REN: variants seen among roughly 807,000 people sequenced by gnomAD.
REN encodes the protein angiotensin-forming enzyme.
A neutral mutation model predicts 48.6 loss-of-function variants in REN; 42 were observed. That is an observed-to-expected ratio of 0.86 (90% CI 0.68 to 1.12). The LOEUF is 1.12. REN is among the 50% of genes most tolerant of loss of function. The pLI is 0.00. For synonymous variants in REN, 196 were observed against 204.6 expected, an observed-to-expected ratio of 0.96 and a Z score of 0.36; for missense variants, 443 against 527.3, an observed-to-expected ratio of 0.84 and a Z score of 1.57.
Position 204,160,545 on chromosome 1 carries a change from G to C in REN, c.492+15C>G, listed in dbSNP as rs765066087. On this transcript the variant is annotated intron_variant, in intron 4 of 9. Coordinates refer to ENST00000272190, the MANE Select transcript of REN (RefSeq NM_000537.4). ...AAGGGGTCCGGGGCAGATGACCTAG[G>C]GCGGCCCAACTTACGGTGATGATGT... 1 of 1,579,480 alleles carries C rather than the reference G, an allele frequency of 6.3e-7. No individual in the cohort carries two copies.
Position 204,162,173 on chromosome 1 carries a change from G to T in REN, c.99-10C>A, listed in dbSNP as rs368317210. The T allele has an allele frequency of 2.5e-6, 4 of 1,613,910 alleles. No individual in the cohort carries two copies. Among genetic ancestry groups the T allele is most frequent in the African/African-American group, 1.3e-5 (1 of 74,990 alleles). ...TCTCTTGAGGAAGATCCTGGCCCAG[G>T]GTGGAGGAAGCAAAAATAGAAAAGT... On this transcript the variant is annotated splice_polypyrimidine_tract_variant and intron_variant, in intron 1 of 9. Coordinates refer to ENST00000272190, the MANE Select transcript of REN (RefSeq NM_000537.4).
chr1:204,164,340 C>T (rs888369904), intron 1 of REN, among the ~76,000 whole-genome samples: 1 of 152,162 alleles, frequency 6.6e-6, no homozygotes, highest in Non-Finnish European at 1.5e-5. Flanking sequence ...TCAGTGTCCT[C>T]ATCTGCAAAG....
At chr1:204,158,693 T>C (rs1021408637) in intron 5 of REN, among the ~76,000 whole-genome samples, 4 of 152,202 alleles carry the variant, frequency 2.6e-5, no homozygotes, top group Admixed American at 1.3e-4. Context: ...CTGAGCTGCA[T>C]ATAAGCTCAG....
intron 9 of REN, 103 bp from the exon 10 acceptor site, chr1:204,155,280 C>T (rs1349310849): frequency 3.8e-6 from 5 of 1,320,484 alleles, no homozygotes; most frequent in Non-Finnish European, 5.4e-6. Flanking sequence ...CCCCCTCTCG[C>T]CCCCATCTCT....
chr1:204,155,787 C>A, intron 9 of REN, 33 bp downstream of exon 9: 1 of 1,506,358 alleles, frequency 6.6e-7, no homozygotes, highest in South Asian at 1.2e-5. Flanking sequence ...CAGCCTTTCT[C>A]CCTGCCACCG....
intron 9 of REN, 62 bp downstream of exon 9, chr1:204,155,758 C>T: frequency 8.1e-7 from 1 of 1,240,644 alleles, no homozygotes; most frequent in South Asian, 1.3e-5. Context: ...TAATCTGTCA[C>T]TCTTTGAGGG....
chr1:204,162,665 A>G (rs1658269246), intron 1 of REN, among the ~76,000 whole-genome samples: 1 of 152,152 alleles, frequency 6.6e-6, no homozygotes, highest in Admixed American at 6.5e-5. Flanking sequence ...GTGCCATGGG[A>G]GGCCGCTAGG....
Position 204,156,711 on chromosome 1 carries a change from T to G in REN, c.784A>C (p.Ile262Leu). 6.2e-7 allele frequency: 1 copy of G among 1,613,934 alleles called. No individual in the cohort carries two copies. Among genetic ancestry groups the G allele is most frequent in the South Asian group, 1.1e-5 (1 of 91,056 alleles). Residue 262 changes from isoleucine (I) to leucine (L), a missense_variant, in exon 7 of 10, where the codon ATC (isoleucine) becomes CTC (leucine). Ile to Leu is a conservative substitution (Grantham distance 5, BLOSUM62 2). Coordinates refer to ENST00000272190, the MANE Select transcript of REN (RefSeq NM_000537.4). This position sits in a 1 kb window ranked among gnomAD's most constrained non-coding sequence, Gnocchi z 4.2. ...YEGNFHYINLIKTGVWQIQMK... is the reference protein window; with the variant it reads ...YEGNFHYINLLKTGVWQIQMK... Reference sequence around the variant, plus strand: ...TGAATCTGCCAGACACCAGTCTTGATGAGGTTGATATAGTGGAAATTCCCT... The same window carrying G: ...TGAATCTGCCAGACACCAGTCTTGAGGAGGTTGATATAGTGGAAATTCCCT...
chr1:204,161,143 C>A, intron 3 of REN, 149 bp downstream of exon 3: 2 of 932,590 alleles, frequency 2.1e-6, no homozygotes, highest in East Asian at 2.6e-5. Flanking sequence ...GACATCTTCC[C>A]CTCTCCCCTA....
chr1:204,161,980 G>C (rs943661409), intron 2 of REN, 33 bp downstream of exon 2: 10 of 1,612,676 alleles, frequency 6.2e-6, no homozygotes, highest in South Asian at 1.1e-5. Flanking sequence ...AAAGGAGACA[G>C]GGAGGGAGCG....
At chr1:204,158,265 G>A (rs74139470) in intron 5 of REN, among the ~76,000 whole-genome samples, 2,663 of 152,134 alleles carry the variant, frequency 0.018, 83 homozygotes, top group African/African-American at 0.062. Flanking sequence ...ACCCCTGAAT[G>A]CAGAGCCGCC....
intron 4 of REN, 42 bp from the exon 5 acceptor site, chr1:204,159,637 C>G (rs1187300983): frequency 6.3e-7 from 1 of 1,588,534 alleles, no homozygotes; most frequent in Non-Finnish European, 8.6e-7. Context: ...CCACTGCCCA[C>G]TCCTTGGTTG....
chr1:204,159,599 T>G lies in REN; in HGVS notation c.493-4A>C, dbSNP rs766064081. 8.7e-6 allele frequency: 14 copies of G among 1,614,102 alleles called. No homozygotes were observed. The highest frequency in any genetic ancestry group is 1.2e-5 in the Non-Finnish European group (14 of 1,179,988). On this transcript the variant is annotated splice_polypyrimidine_tract_variant and splice_region_variant and intron_variant, in intron 4 of 9. Coordinates refer to ENST00000272190, the MANE Select transcript of REN (RefSeq NM_000537.4). The stretch of plus-strand genomic sequence containing the variant: ...GTGTCACCGTGATTCCACCCACCTG[T>G]GGGAGGAAGGACCAGAGGAGACCAA...
At chr1:204,163,225 C>T (rs1253539869) in intron 1 of REN, among the ~76,000 whole-genome samples, 2 of 152,212 alleles carry the variant, frequency 1.3e-5, no homozygotes, top group Non-Finnish European at 2.9e-5. Context: ...GGCTAGTCCT[C>T]CTATACTCAC....
At position 204,157,453 on chromosome 1, in the gene REN, T is replaced by C; in HGVS notation, c.690-84A>G. On this transcript the variant is annotated intron_variant, in intron 5 of 9. Coordinates refer to ENST00000272190, the MANE Select transcript of REN (RefSeq NM_000537.4). The stretch of plus-strand genomic sequence containing the variant: ...CTGCTGTTTGGCAGGGTGGGTGTTA[T>C]GTACTCTCTTTGCCCTTCAGGCAAT... The C allele has an allele frequency of 5.0e-6, 8 of 1,588,246 alleles. No individual in the cohort carries two copies. In the South Asian group the frequency reaches 7.7e-5, roughly 15 times the overall value.
intron 9 of REN, 144 bp from the exon 10 acceptor site, chr1:204,155,321 A>G (rs1481392757): frequency 2.1e-6 from 2 of 934,628 alleles, no homozygotes; most frequent in Non-Finnish European, 3.3e-6. Context: ...CCCTCACATC[A>G]TGGCCATTTT....
At position 204,154,971 on chromosome 1, in the gene REN, C is replaced by T. The variant is rs201369550; in HGVS notation, c.*45G>A. ...GGGCATCTCAGAGAGTGTTCCAGCT[C>T]TGGGCCAGGGCTGAAGGCAGGGCCT... On this transcript the variant is annotated 3_prime_UTR_variant, in exon 10 of 10. Transcript: ENST00000272190. The T allele has an allele frequency of 1.9e-6, 3 of 1,609,560 alleles. No homozygotes were observed. Among genetic ancestry groups the T allele is most frequent in the African/African-American group, 1.3e-5 (1 of 75,016 alleles).
At chr1:204,160,517 C>G in intron 4 of REN, 43 bp downstream of exon 4, 1 of 1,343,718 alleles carries the variant, frequency 7.4e-7, no homozygotes, top group Non-Finnish European at 1.1e-6. Context: ...GGCCTGGGGA[C>G]AGAAGGGGTC....
intron 1 of REN, among the ~76,000 whole-genome samples, chr1:204,163,266 G>A (rs938507553): frequency 2.0e-5 from 3 of 151,872 alleles, no homozygotes; most frequent in Admixed American, 6.6e-5. Flanking sequence ...TCCTTCTTGC[G>A]TCCCATGCAT....
Sources: gnomAD v4.1 joint callset for allele counts (sites outside exome capture counted in the v4.1 genomes callset) on GRCh38, gnomAD v4.1.1 for gene constraint, Gnocchi (gnomAD v3.1) non-coding constraint, MANE v1.5 for transcripts, NCBI Gene and HGNC (gene_info 2026-07-23, HGNC 2026-07-21) for gene names.